DAG1: variants seen among roughly 807,000 people sequenced by gnomAD.
DAG1 encodes the protein dystroglycan 1.
Under a neutral mutation model 46.1 loss-of-function variants are expected in DAG1, and 8 were observed. The observed-to-expected ratio is 0.17, with a 90% confidence interval of 0.10 to 0.31. DAG1 has a LOEUF of 0.31. Ranked by LOEUF, DAG1 falls within the 10% of genes least tolerant of loss-of-function variation. The pLI is 1.00. For synonymous variants in DAG1, 495 were observed against 481.8 expected (o/e 1.03, Z -0.36); for missense variants, 1,003 against 1,189.9 (o/e 0.84, Z 2.31).
chr3:49,503,168 T>C (rs537948685), intron 1 of DAG1, among the ~76,000 whole-genome samples: 18 of 152,252 alleles, frequency 1.2e-4, no homozygotes, highest in African/African-American at 4.1e-4. Flanking sequence ...ACATGGTGAG[T>C]CTTCTCCAGG....
At chr3:49,501,236 A>T (rs2050441460) in intron 1 of DAG1, among the ~76,000 whole-genome samples, 1 of 152,176 alleles carries the variant, frequency 6.6e-6, no homozygotes, top group South Asian at 2.1e-4. Context: ...TGTGTCTCAT[A>T]ACTGACTGTT....
At chr3:49,470,848 A>G (rs1182354935) in intron 1 of DAG1, 2 of 152,330 alleles carry the variant, frequency 1.3e-5, no homozygotes, top group Non-Finnish European at 2.9e-5. Context: ...AGGGAAGGGC[A>G]CCGCTGCCGC....
At chr3:49,527,801 T>G (rs2051225109) in intron 2 of DAG1, among the ~76,000 whole-genome samples, 2 of 152,202 alleles carry the variant, frequency 1.3e-5, no homozygotes, top group South Asian at 4.1e-4. Flanking sequence ...CTCAGGAATG[T>G]CCCATGGTTC....
At chr3:49,491,518 C>T (rs549689965) in intron 1 of DAG1, among the ~76,000 whole-genome samples, 4 of 151,290 alleles carry the variant, frequency 2.6e-5, no homozygotes, top group African/African-American at 9.7e-5. Flanking sequence ...TGCTATGTTG[C>T]CCAGGCTGGA....
Position 49,531,808 on chromosome 3 carries a change from A to G in DAG1, c.1297A>G (p.Lys433Glu). The G allele has an allele frequency of 6.2e-7, 1 of 1,613,610 alleles. No homozygotes were observed. The highest frequency in any genetic ancestry group is 8.5e-7 in the Non-Finnish European group (1 of 1,179,912). The change falls in exon 3 of 3, where the codon AAA becomes GAA. Residue 433 changes from lysine to glutamate, a missense_variant. Lys to Glu is a moderately conservative substitution (Grantham distance 56). Around this residue, in one of 3 missense-constraint regions of DAG1, gnomAD observed 755 missense variants for 854.1 expected, o/e 0.88. Coordinates refer to ENST00000308775, the MANE Select transcript of DAG1 (RefSeq NM_004393.6). The surrounding 1 kb of genome is among the most constrained non-coding windows in gnomAD (Gnocchi z 7.0). ...TTKKPRVSTPKPATPSTDSTT... is the reference protein window; with the variant it reads ...TTKKPRVSTPEPATPSTDSTT... ...CAAGAAGCCACGAGTATCCACACCA[A>G]AACCAGCAACGCCTTCAACTGACTC...
At chr3:49,492,321 A>T (rs1299550407) in intron 1 of DAG1, among the ~76,000 whole-genome samples, 2 of 152,228 alleles carry the variant, frequency 1.3e-5, no homozygotes, top group African/African-American at 4.8e-5. Context: ...TATTTACAAA[A>T]TAAGACCTTT....
intron 1 of DAG1, among the ~76,000 whole-genome samples, chr3:49,498,404 T>A (rs532934462): frequency 6.6e-6 from 1 of 152,314 alleles, no homozygotes; most frequent in South Asian, 2.1e-4. Context: ...TTTGCCATTT[T>A]TTTTTTTAAT....
rs761585454 is a variant in DAG1, at chr3:49,532,067, C to T, written c.1556C>T (p.Pro519Leu). 49 of 1,614,028 alleles carry T rather than the reference C, an allele frequency of 3.0e-5. No individual in the cohort carries two copies. The highest frequency in any genetic ancestry group is 3.4e-5 in the Non-Finnish European group (40 of 1,180,036). Residue 519 changes from proline to leucine, a missense_variant, in exon 3 of 3, where the codon CCG (proline) becomes CTG (leucine). Pro to Leu is a moderately conservative substitution (Grantham distance 98). This residue lies in a region of DAG1 where 755 missense variants were observed against 854.1 expected (regional missense o/e 0.88). Transcript: ENST00000308775. The surrounding 1 kb of genome is among the most constrained non-coding windows in gnomAD (Gnocchi z 5.4). ...WVGTYFEVKI[P>L]SDTFYDHEDT... ...GGCACCTACTTTGAGGTGAAGATCCCGTCAGACACTTTCTATGACCATGAG... is the reference window on the plus strand; with the variant it reads ...GGCACCTACTTTGAGGTGAAGATCCTGTCAGACACTTTCTATGACCATGAG...
intron 1 of DAG1, among the ~76,000 whole-genome samples, chr3:49,482,444 T>A (rs2049913299): frequency 6.6e-6 from 1 of 152,180 alleles, no homozygotes; most frequent in Non-Finnish European, 1.5e-5. Flanking sequence ...AAAACCTGAT[T>A]GTACATTTGT....
intron 2 of DAG1, among the ~76,000 whole-genome samples, chr3:49,521,387 G>A (rs1229752323): frequency 6.6e-6 from 1 of 151,998 alleles, no homozygotes; most frequent in East Asian, 1.9e-4. Context: ...GGATGGTCTC[G>A]ATCTCCTGAC....
intron 1 of DAG1, among the ~76,000 whole-genome samples, chr3:49,471,395 T>G (rs7611164): frequency 0.038 from 5,791 of 151,834 alleles, 160 homozygotes; most frequent in Non-Finnish European, 0.06. Context: ...GGTATTGCAG[T>G]TTTATCAGGT....
Position 49,511,056 on chromosome 3 carries a change from T to C in DAG1, c.285+237T>C, listed in dbSNP as rs2050748891. ...CATCACCATGTAATAGCCTTTACTC[T>C]GGAAGTTCTACTGAACACTGATTTA... On this transcript the variant is annotated intron_variant, in intron 2 of 2. Transcript: ENST00000308775. 3.6e-6 allele frequency: 3 copies of C among 826,922 alleles called. No homozygotes were observed. The Admixed American group carries it at 1.9e-4, about 52-fold the overall frequency. The allele number at this position is 826,922 out of a possible 1,614,324, so 51.2% of individuals were successfully genotyped here. A position where few individuals can be genotyped will look rare whatever the true frequency, so the allele number is the denominator to read the frequency against.
intron 2 of DAG1, among the ~76,000 whole-genome samples, chr3:49,511,595 C>T (rs968274862): frequency 2.0e-5 from 3 of 152,216 alleles, no homozygotes; most frequent in African/African-American, 7.2e-5. Context: ...CTCACTGTAG[C>T]CTTGACCTCC....
intron 1 of DAG1, among the ~76,000 whole-genome samples, chr3:49,479,623 C>T (rs2049803814): frequency 1.7e-5 from 2 of 115,976 alleles, no homozygotes; most frequent in Non-Finnish European, 3.4e-5. Flanking sequence ...CTGAATATAA[C>T]ATTTCTTTTT....
chr3:49,507,934 A>G (rs2050651916), intron 1 of DAG1, among the ~76,000 whole-genome samples: 1 of 151,986 alleles, frequency 6.6e-6, no homozygotes, highest in South Asian at 2.1e-4. Context: ...AGTTTGATTC[A>G]TATTTGTCTG....
chr3:49,518,974 C>T (rs1385976031), intron 2 of DAG1, among the ~76,000 whole-genome samples: 1 of 152,196 alleles, frequency 6.6e-6, no homozygotes, highest in Admixed American at 6.5e-5. Flanking sequence ...CTGTCCTTGG[C>T]TCTCACAGCT....
At chr3:49,514,588 C>A (rs1221981026) in intron 2 of DAG1, among the ~76,000 whole-genome samples, 1 of 151,676 alleles carries the variant, frequency 6.6e-6, no homozygotes, top group Non-Finnish European at 1.5e-5. Context: ...CTCCTGCCTC[C>A]ATCTCCCGAG....
chr3:49,507,919 C>A (rs553409381), intron 1 of DAG1, among the ~76,000 whole-genome samples: 1 of 151,732 alleles, frequency 6.6e-6, no homozygotes, highest in Non-Finnish European at 1.5e-5. Flanking sequence ...GGAATCTGTT[C>A]GTTTAGTTTG....
chr3:49,491,225 G>A (rs1325655950), intron 1 of DAG1, among the ~76,000 whole-genome samples: 1 of 151,430 alleles, frequency 6.6e-6, no homozygotes, highest in Non-Finnish European at 1.5e-5. Flanking sequence ...GCCGGGGCTG[G>A]TCTCAAACTC....
Sources: gnomAD v4.1 joint callset for allele counts (sites outside exome capture counted in the v4.1 genomes callset) on GRCh38, gnomAD v4.1.1 for gene constraint, gnomAD v4.1.1 regional missense constraint, Gnocchi (gnomAD v3.1) non-coding constraint, MANE v1.5 for transcripts, NCBI Gene and HGNC (gene_info 2026-07-23, HGNC 2026-07-21) for gene names.